Variants in PPP1R12B observed in about 807,000 individuals in gnomAD.
PPP1R12B encodes protein phosphatase 1 regulatory subunit 12B, also known as myosin phosphatase target subunit 2.
Under a neutral mutation model 126.1 loss-of-function variants are expected in PPP1R12B, and 76 were observed. That is an observed-to-expected ratio of 0.60 (90% CI 0.50 to 0.73). PPP1R12B has a LOEUF of 0.73. Ranked by LOEUF, PPP1R12B falls within the 30% of genes least tolerant of loss-of-function variation. PPP1R12B has a pLI of 0.00. For missense variants in PPP1R12B, 1,052 were observed against 1,205.1 expected, an observed-to-expected ratio of 0.87 and a Z score of 1.88; for synonymous variants, 356 against 434.7, an observed-to-expected ratio of 0.82 and a Z score of 2.25.
intron 18 of PPP1R12B, among the ~76,000 whole-genome samples, chr1:202,546,496 T>A (rs1412459078): frequency 6.6e-6 from 1 of 151,942 alleles, no homozygotes; most frequent in Non-Finnish European, 1.5e-5. Flanking sequence ...CTTAGCTACT[T>A]GGGAGGCTGA....
intron 23 of PPP1R12B, among the ~76,000 whole-genome samples, chr1:202,577,569 C>CT (rs1019319637): frequency 1.2e-3 from 176 of 144,278 alleles, no homozygotes; most frequent in Admixed American, 2.6e-3. Context: ...TTTACTCTAC[C>CT]TTTTTTTTTT....
chr1:202,502,251 A>G, intron 18 of PPP1R12B: 4 of 984,236 alleles, frequency 4.1e-6, no homozygotes, highest in Non-Finnish European at 4.8e-6. Flanking sequence ...ATAGATATCA[A>G]GGTACCTGCC....
intron 1 of PPP1R12B, among the ~76,000 whole-genome samples, chr1:202,387,054 C>A (rs979016359): frequency 6.6e-6 from 1 of 152,234 alleles, no homozygotes; most frequent in African/African-American, 2.4e-5. Flanking sequence ...TTTATATTTG[C>A]ATGCAGTTAT....
intron 1 of PPP1R12B, among the ~76,000 whole-genome samples, chr1:202,376,604 A>G (rs1219010828): frequency 2.0e-5 from 3 of 152,154 alleles, no homozygotes; most frequent in African/African-American, 7.2e-5. Flanking sequence ...ATACAATCTT[A>G]TATATAAAGA....
chr1:202,354,853 T>C (rs1374748542), intron 1 of PPP1R12B, among the ~76,000 whole-genome samples: 1 of 131,402 alleles, frequency 7.6e-6, no homozygotes, highest in African/African-American at 2.9e-5. Context: ...TGAGACGGAG[T>C]CTTGCTCCGT....
chr1:202,501,224 T>G (rs1010971170), intron 18 of PPP1R12B, among the ~76,000 whole-genome samples: 1 of 152,226 alleles, frequency 6.6e-6, no homozygotes, highest in African/African-American at 2.4e-5. Flanking sequence ...TGCTTTTATA[T>G]TCAGCAGTGT....
chr1:202,361,885 A>C (rs1658279212), intron 1 of PPP1R12B, among the ~76,000 whole-genome samples: 1 of 152,186 alleles, frequency 6.6e-6, no homozygotes, highest in Non-Finnish European at 1.5e-5. Context: ...TGCTTGTCTT[A>C]GAAAATGGAA....
chr1:202,422,657 A>T lies in PPP1R12B; in HGVS notation c.460A>T (p.Asn154Tyr), dbSNP rs1204847754. 1 of 1,613,752 alleles carries T rather than the reference A, an allele frequency of 6.2e-7. No homozygotes were observed. The highest frequency in any genetic ancestry group is 1.7e-5 in the Admixed American group (1 of 59,992). Residue 154 changes from asparagine to tyrosine, a missense_variant, in exon 3 of 24, where the codon AAT (asparagine) becomes TAT (tyrosine). Physicochemically the swap from Asn to Tyr is moderately radical, Grantham distance 143. Transcript: ENST00000608999. ...INHGASVGIVNSEGEVPSDLA... is the reference protein window; with the variant it reads ...INHGASVGIVYSEGEVPSDLA... ...TCACGGAGCCAGTGTAGGTATTGTC[A>T]ATAGTGAAGGTGAAGTTCCCTCTGA... is the stretch of plus-strand genomic sequence containing the variant.
intron 13 of PPP1R12B, among the ~76,000 whole-genome samples, chr1:202,474,714 A>G (rs1250611200): frequency 1.3e-5 from 2 of 152,168 alleles, no homozygotes; most frequent in South Asian, 2.1e-4. Context: ...GGTGTGCAGT[A>G]TGGTAATCAG....
chr1:202,387,038 T>C (rs1663264472), intron 1 of PPP1R12B, among the ~76,000 whole-genome samples: 1 of 152,212 alleles, frequency 6.6e-6, no homozygotes, highest in Admixed American at 6.5e-5. Flanking sequence ...GATGCAACTA[T>C]TGATGTTTAT....
intron 18 of PPP1R12B, among the ~76,000 whole-genome samples, chr1:202,515,544 G>A (rs1331595022): frequency 6.6e-6 from 1 of 152,124 alleles, no homozygotes; most frequent in Non-Finnish European, 1.5e-5. Context: ...CTATCCTAGT[G>A]TCCATATATC....
rs150972344 is a variant in PPP1R12B, at chr1:202,416,839, C to G, written c.344C>G (p.Ala115Gly). The change falls in exon 2 of 24, where the codon GCC becomes GGC. Residue 115 changes from alanine to glycine, a missense_variant. By Grantham distance (60) the Ala-to-Gly change is moderately conservative. Transcript: ENST00000608999. ...GTGAAGTTTCTGGTGGAGAACAGAG[C>G]CAATGTAAACCAGCAAGACAACGAG... Reference protein sequence around the residue: ...DMVKFLVENRANVNQQDNEGW... With the variant: ...DMVKFLVENRGNVNQQDNEGW... 8 of 1,613,810 alleles carry G rather than the reference C, an allele frequency of 5.0e-6. No homozygotes were observed. Among genetic ancestry groups the G allele is most frequent in the African/African-American group, 1.3e-5 (1 of 74,874 alleles).
chr1:202,509,307 G>C, intron 18 of PPP1R12B, among the ~76,000 whole-genome samples: 1 of 152,238 alleles, frequency 6.6e-6, no homozygotes, highest in East Asian at 1.9e-4. Flanking sequence ...CATGCAGCAG[G>C]AAGCAAGCTG....
intron 18 of PPP1R12B, among the ~76,000 whole-genome samples, chr1:202,544,212 A>AG (rs1685421394): frequency 6.6e-6 from 1 of 152,218 alleles, no homozygotes. Flanking sequence ...CATTAAAAAA[A>AG]ATTATTTTTC....
At chr1:202,363,883 C>T (rs1405876233) in intron 1 of PPP1R12B, among the ~76,000 whole-genome samples, 1 of 152,106 alleles carries the variant, frequency 6.6e-6, no homozygotes, top group African/African-American at 2.4e-5. Context: ...GCCTCAGCCT[C>T]CCAAGTAGCT....
chr1:202,487,095 C>G (rs1202380339), intron 13 of PPP1R12B, among the ~76,000 whole-genome samples: 13 of 151,906 alleles, frequency 8.6e-5, no homozygotes, highest in Non-Finnish European at 1.9e-4. Context: ...ACATCTTGAC[C>G]AAGTTGAGCT....
chr1:202,483,298 G>A (rs375615061), intron 13 of PPP1R12B, among the ~76,000 whole-genome samples: 2 of 15,274 alleles, frequency 1.3e-4, no homozygotes, highest in African/African-American at 4.4e-4. Context: ...TTTTTTTTTT[G>A]ACATGGAGTC....
intron 18 of PPP1R12B, among the ~76,000 whole-genome samples, chr1:202,499,948 G>A (rs1449628364): frequency 1.3e-5 from 2 of 152,168 alleles, no homozygotes; most frequent in East Asian, 1.9e-4. Flanking sequence ...TAGAATGGCT[G>A]TTATCAAAAA....
intron 18 of PPP1R12B, among the ~76,000 whole-genome samples, chr1:202,534,334 T>A (rs936890726): frequency 8.5e-5 from 13 of 152,166 alleles, no homozygotes; most frequent in Non-Finnish European, 1.6e-4. Context: ...GGGAGCCCTG[T>A]TCCTCTTAGT....
Sources: gnomAD v4.1 joint callset for allele counts (sites outside exome capture counted in the v4.1 genomes callset) on GRCh38, gnomAD v4.1.1 for gene constraint, MANE v1.5 for transcripts, NCBI Gene and HGNC (gene_info 2026-07-23, HGNC 2026-07-21) for gene names.